Variants in TRABD2A observed in about 807,000 individuals in gnomAD.
The protein encoded by TRABD2A is metalloprotease TIKI1.
A neutral mutation model predicts 45.6 loss-of-function variants in TRABD2A; 43 were observed. The observed-to-expected ratio is 0.94, with a 90% CI of 0.74 to 1.22. The LOEUF is 1.22. TRABD2A is among the 50% of genes most tolerant of loss of function. The pLI, the probability that TRABD2A is intolerant of heterozygous loss-of-function variation, is 0.00. For synonymous variants in TRABD2A, 269 were observed against 265.0 expected (o/e 1.02, Z -0.15); for missense variants, 642 against 652.4 (o/e 0.98, Z 0.17).
chr2:84,873,569 C>T (rs546925938), intron 1 of TRABD2A, among the ~76,000 whole-genome samples: 3 of 152,292 alleles, frequency 2.0e-5, no homozygotes, highest in Admixed American at 6.5e-5. Context: ...GAAATGGAAA[C>T]TGTACATCTA....
intron 1 of TRABD2A, among the ~76,000 whole-genome samples, chr2:84,877,694 G>A (rs1283797983): frequency 1.3e-5 from 2 of 152,186 alleles, no homozygotes; most frequent in Non-Finnish European, 2.9e-5. Context: ...GATTTTAACA[G>A]ACACCTGTGT....
At chr2:84,848,171 C>T (rs1361203939) in intron 2 of TRABD2A, among the ~76,000 whole-genome samples, 2 of 152,084 alleles carry the variant, frequency 1.3e-5, no homozygotes, top group African/African-American at 4.8e-5. Context: ...TAACACATGT[C>T]GATCTCAGCG....
chr2:84,863,239 CTTTTTT>C (rs773927512), intron 2 of TRABD2A, among the ~76,000 whole-genome samples: 1 of 98,132 alleles, frequency 1.0e-5, no homozygotes, highest in African/African-American at 4.4e-5. Context: ...TCATGTGAAT[CTTTTTT>C]TTTTTTTTTT....
chr2:84,873,655 G>A (rs1682939447), intron 1 of TRABD2A, among the ~76,000 whole-genome samples: 1 of 152,238 alleles, frequency 6.6e-6, no homozygotes, highest in African/African-American at 2.4e-5. Flanking sequence ...AAGGGTAGAA[G>A]ACACTGGGTA....
chr2:84,858,577 G>T (rs57954856), intron 2 of TRABD2A, among the ~76,000 whole-genome samples: 19,789 of 152,114 alleles, frequency 0.13, 1,552 homozygotes, highest in African/African-American at 0.22. Context: ...CTAAAACTGG[G>T]TTCATGAGGA....
chr2:84,842,152 A>C, intron 2 of TRABD2A, 145 bp from the exon 3 acceptor site: 2 of 808,656 alleles, frequency 2.5e-6, no homozygotes, highest in Non-Finnish European at 1.8e-6. Flanking sequence ...GGGAACACAA[A>C]TCCCTGGACA....
intron 4 of TRABD2A, 120 bp downstream of exon 4, chr2:84,839,029 T>C (rs902862457): frequency 3.5e-6 from 4 of 1,135,650 alleles, no homozygotes; most frequent in Non-Finnish European, 5.0e-6. Context: ...AAGGAAGGTG[T>C]CACTCCCTTC....
rs1013852864 is a variant in TRABD2A at position 84,870,277 on chromosome 2, A to G, written c.617T>C (p.Val206Ala). The G allele has an allele frequency of 5.6e-5, 90 of 1,613,794 alleles. No individual in the cohort carries two copies. The highest frequency in any genetic ancestry group is 7.5e-5 in the Non-Finnish European group (89 of 1,179,868). ...AERLRKQTGA[V>A]EKVEEQCHPL... Reference sequence around the variant, plus strand: ...ATGGCACTGCTCTTCCACCTTTTCCACTGCCCCAGTCTGTTTCCTCAGCCG... The same window carrying G: ...ATGGCACTGCTCTTCCACCTTTTCCGCTGCCCCAGTCTGTTTCCTCAGCCG... The change falls in exon 2 of 7, where the codon GTG becomes GCG. Residue 206 changes from valine (V) to alanine (A), a missense_variant. By Grantham distance (64) the Val-to-Ala change is moderately conservative (BLOSUM62 0). Coordinates refer to ENST00000409520, the MANE Select transcript of TRABD2A (RefSeq NM_001277053.2).
intron 3 of TRABD2A, among the ~76,000 whole-genome samples, chr2:84,840,584 T>C (rs1483738548): frequency 2.0e-5 from 3 of 152,220 alleles, no homozygotes; most frequent in Non-Finnish European, 2.9e-5. Context: ...ATAAGACATC[T>C]GTATTATCTG....
At chr2:84,862,178 C>T (rs1298222412) in intron 2 of TRABD2A, among the ~76,000 whole-genome samples, 2 of 152,216 alleles carry the variant, frequency 1.3e-5, no homozygotes, top group African/African-American at 4.8e-5. Flanking sequence ...TACAACTTGG[C>T]CCCAGTCCCA....
chr2:84,856,305 T>C (rs1262802411), intron 2 of TRABD2A, among the ~76,000 whole-genome samples: 37 of 151,916 alleles, frequency 2.4e-4, no homozygotes, highest in Non-Finnish European at 5.3e-4. Flanking sequence ...CAGCCACTCT[T>C]CCAAATACCT....
intron 2 of TRABD2A, among the ~76,000 whole-genome samples, chr2:84,848,403 C>T (rs1052697463): frequency 6.8e-6 from 1 of 147,284 alleles, no homozygotes; most frequent in East Asian, 1.9e-4. Flanking sequence ...GACAGACAGA[C>T]AGACAGACAG....
intron 2 of TRABD2A, among the ~76,000 whole-genome samples, chr2:84,857,337 C>T (rs1050705084): frequency 6.6e-6 from 1 of 152,178 alleles, no homozygotes; most frequent in Non-Finnish European, 1.5e-5. Flanking sequence ...ACTTTTACTG[C>T]TTGGTAGGTA....
Position 84,840,903 on chromosome 2 carries a change from G to A in TRABD2A, c.816+958C>T, listed in dbSNP as rs1156386193. On this transcript the variant is annotated intron_variant, in intron 3 of 6. Coordinates refer to ENST00000409520, the MANE Select transcript of TRABD2A (RefSeq NM_001277053.2). The stretch of plus-strand genomic sequence containing the variant: ...TCATTAATGAAATGTCACCTTTCTG[G>A]GCTGATGCTGCACTCAGCCTGTACT... Among the ~76,000 whole-genome samples the A allele has an allele frequency of 2.0e-5, 3 of 151,872 alleles. No individual in the cohort carries two copies. In the East Asian group the frequency reaches 5.8e-4, roughly 29 times the overall value.
chr2:84,874,685 TG>T (rs1682972202), intron 1 of TRABD2A: 1 of 175,734 alleles, frequency 5.7e-6, no homozygotes. Flanking sequence ...ATGCCTCATC[TG>T]TGCTGGCCAC....
rs372399132 is a variant in TRABD2A, at chr2:84,839,230, G to T, written c.910C>A (p.Arg304=). ...ACCCGCTTCCCTATTCTCTCATTCC[G>T]CTTGTAGATCAGCTCCCGGCGTAAG... The part of the protein sequence containing the change: ...SYLRRELIYK[R]NERIGKRVKA... The change falls in exon 4 of 7, where the codon CGG becomes AGG. Residue 304 remains arginine, a synonymous_variant. Coordinates refer to ENST00000409520, the MANE Select transcript of TRABD2A (RefSeq NM_001277053.2). 8.7e-6 allele frequency: 14 copies of T among 1,613,668 alleles called. No homozygotes were observed. The highest frequency in any genetic ancestry group is 1.7e-5 in the Admixed American group (1 of 59,974).
Position 84,842,599 on chromosome 2 carries a change from T to C in TRABD2A, c.670-592A>G, listed in dbSNP as rs148815788. On this transcript the variant is annotated intron_variant, in intron 2 of 6. Transcript: ENST00000409520. ...CAAAAATTAGCTGGGCATGGTGGCA[T>C]GTGCCTCTAGTCCCAGCTACTTGGG... Among the ~76,000 whole-genome samples the C allele has an allele frequency of 6.7e-3, 1,023 of 152,108 alleles. 16 individuals are homozygous for C. The highest frequency in any genetic ancestry group is 0.024 in the African/African-American group (992 of 41,500).
chr2:84,877,387 A>C (rs1258944968), intron 1 of TRABD2A, among the ~76,000 whole-genome samples: 1 of 152,184 alleles, frequency 6.6e-6, no homozygotes, highest in Non-Finnish European at 1.5e-5. Flanking sequence ...GTGGTTTAAA[A>C]GAAAAAAAAA....
rs552109610 is a variant in TRABD2A at position 84,870,423 on chromosome 2, G to A, written c.471C>T (p.Ala157=). 50 of 1,613,982 alleles carry A rather than the reference G, an allele frequency of 3.1e-5. No homozygotes were observed. In the African/African-American group the frequency reaches 4.7e-4, roughly 15 times the overall value. ...CAGGCCTCTTGCGCTCCCAGTTTCCGGCAATAGCATTGAAGAGGTAGTCTG... is the reference window on the plus strand; with the variant it reads ...CAGGCCTCTTGCGCTCCCAGTTTCCAGCAATAGCATTGAAGAGGTAGTCTG... ...LYADYLFNAI[A]GNWERKRPVW... Residue 157 remains alanine (A), a synonymous_variant, in exon 2 of 7, where the codon GCC becomes GCT. Transcript: ENST00000409520.
Sources: allele counts gnomAD v4.1 joint callset (sites outside exome capture counted in the v4.1 genomes callset), GRCh38; gene constraint gnomAD v4.1.1; transcripts MANE v1.5; gene names NCBI Gene and HGNC (gene_info 2026-07-23, HGNC 2026-07-21).